POTEG: variants seen among roughly 807,000 people sequenced by gnomAD.
POTEG encodes the protein POTE ankyrin domain family member G.
In POTEG, 2 loss-of-function variants were observed where a neutral mutation model predicts 49.6. The observed-to-expected ratio is 0.04, with a 90% CI of 0.02 to 0.13. The LOEUF (loss-of-function observed/expected upper bound fraction) is 0.13, where lower values mean the gene tolerates loss of function less well. Among genes scored for constraint, POTEG ranks in the 10% least tolerant of loss-of-function variants. The pLI is 1.00. For synonymous variants in POTEG, 7 were observed against 186.6 expected (o/e 0.04, Z 7.84); for missense variants, 26 against 545.2 (o/e 0.05, Z 9.48).
At position 19,415,147 on chromosome 14, in the gene POTEG, A is replaced by G. The variant is rs1187842359; in HGVS notation, c.1198-541T>C. Among the ~76,000 whole-genome samples the G allele has an allele frequency of 1.2e-3, 177 of 144,636 alleles. 9 individuals carry two copies. The highest frequency in any genetic ancestry group is 7.0e-3 in the Middle Eastern group (2 of 286). 94.9% of individuals were successfully genotyped at this position (144,636 alleles called of 152,430 possible). A position where few individuals can be genotyped will look rare whatever the true frequency, so the allele number is the denominator to read the frequency against. On this transcript the variant is annotated intron_variant, in intron 7 of 10. Transcript: ENST00000547848. The stretch of plus-strand genomic sequence containing the variant: ...AAGAGATGCAAATTCTTAAATTTTA[A>G]TTGAAATTATATACTGTAATATGAT...
chr14:19,423,431 GA>G (rs1883815971), intron 5 of POTEG: 2 of 89,104 alleles, frequency 2.2e-5, no homozygotes, highest in East Asian at 6.1e-4. Flanking sequence ...AATATGGGGG[GA>G]AGGGTCAATT....
Position 19,425,624 on chromosome 14 carries a change from G to A in POTEG, c.899C>T (p.Ala300Val). The A allele has an allele frequency of 3.0e-6, 2 of 664,166 alleles. 1 individual carries two copies. Among genetic ancestry groups the A allele is most frequent in the Non-Finnish European group, 4.4e-6 (2 of 456,548 alleles). 41.1% of individuals were successfully genotyped at this position (664,166 alleles called of 1,614,324 possible). ...FLIKKKANLN[A>V]LDRYGRTALI... ...ACTATACCTTCCATATCTATCCAGT[G>A]CATTTAAATTTGCTTTTTTCTTGAT... The change falls in exon 4 of 11, where the codon GCA becomes GTA. Residue 300 changes from alanine (A) to valine (V), a missense_variant. Ala to Val is a moderately conservative substitution (Grantham distance 64). Transcript: ENST00000547848.
intron 6 of POTEG, among the ~76,000 whole-genome samples, chr14:19,419,030 C>A (rs1883659330): frequency 8.8e-6 from 1 of 113,732 alleles, no homozygotes; most frequent in African/African-American, 4.0e-5. Context: ...AAACAAAGGC[C>A]AACATATTAA....
At chr14:19,431,602 TG>T (rs1240828287) in intron 1 of POTEG, among the ~76,000 whole-genome samples, 12,329 of 58,974 alleles carry the variant, frequency 0.21, 1 homozygote, top group African/African-American at 0.33. Flanking sequence ...TCATTCCTTT[TG>T]TTTGTTTGTT....
At chr14:19,432,471 T>C (rs1338658397) in intron 1 of POTEG, among the ~76,000 whole-genome samples, 1 of 123,302 alleles carries the variant, frequency 8.1e-6, no homozygotes, top group South Asian at 2.6e-4. Context: ...TATATACATA[T>C]ATATACATGT....
intron 7 of POTEG, among the ~76,000 whole-genome samples, chr14:19,415,828 AATTTTTTTT>A (rs1389908311): frequency 1.7e-4 from 22 of 132,976 alleles, no homozygotes; most frequent in South Asian, 7.3e-4. Flanking sequence ...AATCTATTAA[AATTTTTTTT>A]TTTTTTTTTT....
chr14:19,432,477 C>T (rs1165107277), intron 1 of POTEG, among the ~76,000 whole-genome samples: 1 of 55,482 alleles, frequency 1.8e-5, no homozygotes, highest in East Asian at 5.3e-4. Flanking sequence ...CATATATATA[C>T]ATGTGTATAT....
At chr14:19,415,082 C>A (rs1462253880) in intron 7 of POTEG, among the ~76,000 whole-genome samples, 1 of 145,300 alleles carries the variant, frequency 6.9e-6, no homozygotes, top group Admixed American at 6.8e-5. Flanking sequence ...ATTGTAGGCA[C>A]ACTTTAAATT....
At chr14:19,416,188 T>A in intron 7 of POTEG, 100 bp downstream of exon 7, 5 of 1,324,292 alleles carry the variant, frequency 3.8e-6, no homozygotes, top group South Asian at 2.9e-5. Context: ...AAGCCTAGTC[T>A]CAAAGGTAAT....
chr14:19,416,801 A>ATT (rs1198072386), intron 6 of POTEG, among the ~76,000 whole-genome samples: 11 of 7,222 alleles, frequency 1.5e-3, no homozygotes, highest in East Asian at 0.011. Context: ...ATTTATTTTA[A>ATT]TTTTTTTTTT....
intron 6 of POTEG, among the ~76,000 whole-genome samples, chr14:19,420,259 C>T (rs1471156929): frequency 7.6e-6 from 1 of 132,164 alleles, no homozygotes; most frequent in African/African-American, 3.1e-5. Context: ...TTTCATTCCT[C>T]ATCACATATG....
intron 5 of POTEG, 42 bp from the exon 6 acceptor site, chr14:19,421,736 C>A (rs750610135): frequency 6.5e-7 from 1 of 1,543,704 alleles, no homozygotes; most frequent in South Asian, 1.1e-5. Context: ...TATTTTAATA[C>A]TGATATAAAA....
intron 6 of POTEG, among the ~76,000 whole-genome samples, chr14:19,420,477 G>C (rs1273290302): frequency 1.7e-5 from 2 of 116,008 alleles, no homozygotes; most frequent in African/African-American, 7.1e-5. Context: ...CTGTTAAGTG[G>C]ACAAGTGAAA....
chr14:19,424,661 G>T (rs1883885940), intron 4 of POTEG: 1 of 74,854 alleles, frequency 1.3e-5, no homozygotes. Flanking sequence ...AAATCAGCTA[G>T]GGGGTAAAAT....
In POTEG at chr14:19,432,414, GTA is replaced by G. The variant is rs1358200366; in HGVS notation, c.521+1353_521+1354del. On this transcript the variant is annotated intron_variant, in intron 1 of 10. Transcript: ENST00000547848. ...TATATATATATATATACACACACAT[GTA>G]TATATATGTATATACGTATATATAT... Among the ~76,000 whole-genome samples the G allele has an allele frequency of 1.0e-3, 31 of 30,188 alleles. No homozygotes were observed. In the East Asian group the frequency reaches 0.021, roughly 21 times the overall value. 19.8% of individuals were successfully genotyped at this position (30,188 alleles called of 152,430 possible). A position where few individuals can be genotyped will look rare whatever the true frequency, so the allele number is the denominator to read the frequency against.
At chr14:19,414,801 A>G (rs1883485791) in intron 7 of POTEG, among the ~76,000 whole-genome samples, 195 bp from the exon 8 acceptor site, 1 of 142,568 alleles carries the variant, frequency 7.0e-6, no homozygotes, top group South Asian at 2.3e-4. Context: ...ATCTATGTTT[A>G]GCTACTGCCA....
intron 7 of POTEG, among the ~76,000 whole-genome samples, chr14:19,415,844 T>TAATCC (rs1883539810): frequency 7.2e-6 from 1 of 138,902 alleles, no homozygotes; most frequent in Non-Finnish European, 1.6e-5. Flanking sequence ...TTTTTTTTTT[T>TAATCC]TTTTTTTTTT....
chr14:19,419,950 C>A (rs1338625703), intron 6 of POTEG, among the ~76,000 whole-genome samples: 63 of 143,802 alleles, frequency 4.4e-4, no homozygotes, highest in Non-Finnish European at 5.2e-4. Flanking sequence ...ATTAAAAAGT[C>A]TATCATGAAC....
intron 1 of POTEG, among the ~76,000 whole-genome samples, chr14:19,432,370 A>G (rs61971027): frequency 0.012 from 432 of 35,666 alleles, 8 homozygotes; most frequent in Admixed American, 0.028. Context: ...AATTTTGTAT[A>G]TATATATATA....
Sources: allele counts gnomAD v4.1 joint callset (sites outside exome capture counted in the v4.1 genomes callset), GRCh38; gene constraint gnomAD v4.1.1; transcripts MANE v1.5; gene names NCBI Gene and HGNC (gene_info 2026-07-23, HGNC 2026-07-21).